The following FFAR4 variants were observed in gnomAD, a reference collection of about 807,000 sequenced individuals.
The protein encoded by FFAR4 is G-protein coupled receptor 120.
Under a neutral mutation model 27.0 loss-of-function variants are expected in FFAR4, and 19 were observed. That is an observed-to-expected ratio of 0.70 (90% CI 0.49 to 1.03). The LOEUF is 1.03. Among genes scored for constraint, FFAR4 ranks in the 50% least tolerant of loss-of-function variants. The pLI is 0.00. For synonymous variants in FFAR4, 254 were observed against 215.6 expected (o/e 1.18, Z -1.56); for missense variants, 476 against 479.0 (o/e 0.99, Z 0.06).
At chr10:93,585,077 G>C (rs770134094) in intron 2 of FFAR4, among the ~76,000 whole-genome samples, 1 of 152,152 alleles carries the variant, frequency 6.6e-6, no homozygotes, top group Non-Finnish European at 1.5e-5. Context: ...CCTGAACTGT[G>C]AATGATGTTA....
At chr10:93,577,979 A>T (rs946177211) in intron 2 of FFAR4, among the ~76,000 whole-genome samples, 7 of 152,190 alleles carry the variant, frequency 4.6e-5, no homozygotes, top group African/African-American at 1.7e-4. Context: ...TTTGACATAA[A>T]AGGGGAAGAG....
In FFAR4 at chr10:93,567,029, C is replaced by T; in HGVS notation, c.309C>T (p.Ala103=). The change falls in exon 1 of 3, where the codon GCC becomes GCT. Residue 103 remains alanine (A), a synonymous_variant. Coordinates refer to ENST00000371481, the MANE Select transcript of FFAR4 (RefSeq NM_001195755.2). ...TGCTGGCCGTGCGCTGGACTGAGGCCTGGCTGCTGGGCCCCGTTGCCTGCC... is the reference window on the plus strand; with the variant it reads ...TGCTGGCCGTGCGCTGGACTGAGGCTTGGCTGCTGGGCCCCGTTGCCTGCC... ...PLVLAVRWTE[A]WLLGPVACHL... 6.2e-7 allele frequency: 1 copy of T among 1,611,780 alleles called. No individual in the cohort carries two copies. The highest frequency in any genetic ancestry group is 1.1e-5 in the South Asian group (1 of 91,068).
At position 93,587,810 on chromosome 10, in the gene FFAR4, G is replaced by C. The variant is rs764433364; in HGVS notation, c.*201G>C. 1 of 548,880 alleles carries C rather than the reference G, an allele frequency of 1.8e-6. No homozygotes were observed. Among genetic ancestry groups the C allele is most frequent in the Non-Finnish European group, 3.2e-6 (1 of 315,386 alleles). The allele number at this position is 548,880 out of a possible 1,614,324, so 34.0% of individuals were successfully genotyped here. On this transcript the variant is annotated 3_prime_UTR_variant, in exon 3 of 3. Transcript: ENST00000371481. ...CTTTATAAAAGGATTTGTTGGCCAGGTGCAGTGGTTCATGCCTGTAATCCC... is the reference window on the plus strand; with the variant it reads ...CTTTATAAAAGGATTTGTTGGCCAGCTGCAGTGGTTCATGCCTGTAATCCC...
intron 2 of FFAR4, among the ~76,000 whole-genome samples, chr10:93,577,176 A>G (rs891267832): frequency 6.6e-6 from 1 of 152,234 alleles, no homozygotes; most frequent in Non-Finnish European, 1.5e-5. Context: ...GGCAAACAGC[A>G]TGGGTGCATC....
rs148776698 is a variant in FFAR4 at position 93,577,393 on chromosome 10, C to T, written c.696+1174C>T. Among the ~76,000 whole-genome samples the T allele has an allele frequency of 4.8e-3, 724 of 152,276 alleles. 6 individuals are homozygous for T. The highest frequency in any genetic ancestry group is 0.017 in the African/African-American group (689 of 41,558). On this transcript the variant is annotated intron_variant, in intron 2 of 2. Transcript: ENST00000371481. ...GCTAAGGGTCTGTAACCTTCTTAGA[C>T]GCTCAGAACCCATAGCCAGGCCAAC...
At chr10:93,567,340 G>C (rs2058105197) in intron 1 of FFAR4, 53 bp downstream of exon 1, 4 of 1,523,174 alleles carry the variant, frequency 2.6e-6, no homozygotes, top group Non-Finnish European at 3.5e-6. Flanking sequence ...GCTGGGAAGC[G>C]GGGCCCCGAC....
chr10:93,569,070 G>A (rs1376207105), intron 1 of FFAR4, among the ~76,000 whole-genome samples: 4 of 152,144 alleles, frequency 2.6e-5, no homozygotes, highest in African/African-American at 9.7e-5. Flanking sequence ...GGATCAGGAG[G>A]GGGCTGGGCT....
In FFAR4 at chr10:93,576,104, GCA is replaced by G. The variant is rs1486051098; in HGVS notation, c.585_586del (p.Leu196AspfsTer117). 2 of 1,613,856 alleles carry G rather than the reference GCA, an allele frequency of 1.2e-6. No homozygotes were observed. Among genetic ancestry groups the G allele is most frequent in the South Asian group, 2.2e-5 (2 of 91,036 alleles). On this transcript the variant is annotated frameshift_variant, in exon 2 of 3. Coordinates refer to ENST00000371481, the MANE Select transcript of FFAR4 (RefSeq NM_001195755.2). LOFTEE classifies it high-confidence loss of function. ...TTTTGTAACTAGGAAATTTCGATTT[GCA>G]CACTGATTTGGCCCACCATTCCTGG...
intron 2 of FFAR4, among the ~76,000 whole-genome samples, chr10:93,581,702 G>A (rs74150275): frequency 0.048 from 7,242 of 152,262 alleles, 247 homozygotes; most frequent in South Asian, 0.15. Flanking sequence ...CAGTGGGCAA[G>A]AATCACCCGG....
chr10:93,573,653 G>T (rs544649535), intron 1 of FFAR4, among the ~76,000 whole-genome samples: 1 of 152,222 alleles, frequency 6.6e-6, no homozygotes, highest in South Asian at 2.1e-4. Flanking sequence ...CATCATTCAG[G>T]CCCCCAAGCC....
chr10:93,568,845 A>G (rs1430383808), intron 1 of FFAR4, among the ~76,000 whole-genome samples: 2 of 152,154 alleles, frequency 1.3e-5, no homozygotes, highest in African/African-American at 4.8e-5. Flanking sequence ...AATGACTAAT[A>G]GGCAGGAGCC....
rs187659913 is a variant in FFAR4, at chr10:93,583,898, G to A, written c.697-3322G>A. ...ATCACTCATCAAAAAGTATTTTTGC[G>A]ACACTACACCAGGGACCCTGGGTAC... On this transcript the variant is annotated intron_variant, in intron 2 of 2. Transcript: ENST00000371481. Among the ~76,000 whole-genome samples, 968 of 152,310 alleles carry A rather than the reference G, an allele frequency of 6.4e-3. 2 individuals carry two copies. Among genetic ancestry groups the A allele is most frequent in the Non-Finnish European group, 0.01 (692 of 68,026 alleles).
rs2058097051 is a variant in FFAR4, at chr10:93,566,670, C to T, written c.-51C>T. 2.7e-6 allele frequency: 3 copies of T among 1,092,340 alleles called. No homozygotes were observed. Among genetic ancestry groups the T allele is most frequent in the African/African-American group, 3.2e-5 (2 of 62,986 alleles). 67.7% of individuals were successfully genotyped at this position (1,092,340 alleles called of 1,614,324 possible). On this transcript the variant is annotated 5_prime_UTR_variant, in exon 1 of 3. Transcript: ENST00000371481. ...CTTTCCCCGCCTTGGCACTCAGTCG[C>T]CTCCCAGATGAGCACTCTCTCAGAC...
Position 93,589,411 on chromosome 10 carries a change from G to GGAGGGATTGTGA in FFAR4, c.*1805_*1816dup, listed in dbSNP as rs2058249491. The GGAGGGATTGTGA allele has an allele frequency of 6.6e-6, 1 of 152,378 alleles. No homozygotes were observed. Among genetic ancestry groups the GGAGGGATTGTGA allele is most frequent in the Admixed American group, 6.5e-5 (1 of 15,282 alleles). The allele number at this position is 152,378 out of a possible 1,614,324, so 9.4% of individuals were successfully genotyped here. On this transcript the variant is annotated 3_prime_UTR_variant, in exon 3 of 3. Transcript: ENST00000371481. ...GGACCTTGGAGGTGAGTGGCATTAG[G>GGAGGGATTGTGA]GAGGGATTGTGAGAAATGACTTGTA... is the stretch of plus-strand genomic sequence containing the variant.
chr10:93,567,830 G>A (rs2058107872), intron 1 of FFAR4, among the ~76,000 whole-genome samples: 1 of 152,130 alleles, frequency 6.6e-6, no homozygotes, highest in Non-Finnish European at 1.5e-5. Context: ...CGCGCGGACA[G>A]GCATGTGAGA....
Position 93,587,594 on chromosome 10 carries a change from G to T in FFAR4, c.1071G>T (p.Ser357=). 1 of 1,611,650 alleles carries T rather than the reference G, an allele frequency of 6.2e-7. No homozygotes were observed. The highest frequency in any genetic ancestry group is 1.1e-5 in the South Asian group (1 of 90,968). ...TDTSVKRNDL[S]IISG Reference sequence around the variant, plus strand: ...CATCTGTCAAAAGAAATGACTTGTCGATTATTTCTGGCTAATTTTTCTTTA... The same window carrying T: ...CATCTGTCAAAAGAAATGACTTGTCTATTATTTCTGGCTAATTTTTCTTTA... Residue 357 remains serine (S), a synonymous_variant, in exon 3 of 3, where the codon TCG becomes TCT. Transcript: ENST00000371481.
chr10:93,566,805 T>C lies in FFAR4; in HGVS notation c.85T>C (p.Ser29Pro). The C allele has an allele frequency of 6.2e-7, 1 of 1,607,978 alleles. No individual in the cohort carries two copies. The highest frequency in any genetic ancestry group is 8.5e-7 in the Non-Finnish European group (1 of 1,178,554). Residue 29 changes from serine to proline, a missense_variant, in exon 1 of 3, where the codon TCC becomes CCC. Ser to Pro is a moderately conservative substitution (Grantham distance 74). Coordinates refer to ENST00000371481, the MANE Select transcript of FFAR4 (RefSeq NM_001195755.2). ...QANRTRFPFF[S>P]DVKGDHRLVL... is the part of the protein sequence containing the mutation. ...CAACCGCACCCGCTTTCCCTTCTTC[T>C]CCGACGTCAAGGGCGACCACCGGCT...
At chr10:93,581,716 G>GTT (rs1420234978) in intron 2 of FFAR4, among the ~76,000 whole-genome samples, 2 of 152,176 alleles carry the variant, frequency 1.3e-5, no homozygotes, top group African/African-American at 4.8e-5. Flanking sequence ...CACCCGGGGA[G>GTT]TTTAGGAAAC....
intron 2 of FFAR4, among the ~76,000 whole-genome samples, chr10:93,579,810 C>T (rs2058188165): frequency 6.6e-6 from 1 of 152,200 alleles, no homozygotes; most frequent in Admixed American, 6.5e-5. Context: ...AGTCCTAAGA[C>T]AGAAGTTCTA....
Sources: allele counts gnomAD v4.1 joint callset (sites outside exome capture counted in the v4.1 genomes callset), GRCh38; gene constraint gnomAD v4.1.1; transcripts MANE v1.5; gene names NCBI Gene and HGNC (gene_info 2026-07-23, HGNC 2026-07-21).